The following SEPHS1 variants were observed in gnomAD, a reference collection of about 807,000 sequenced individuals.
The protein encoded by SEPHS1 is zincore component SEPHS1.
In SEPHS1, 7 loss-of-function variants were observed where a neutral mutation model predicts 39.2. The ratio of observed to expected loss-of-function variants is 0.18; its 90% CI spans 0.10 to 0.34. SEPHS1 has a LOEUF of 0.34. SEPHS1 is among the 10% of genes least tolerant of loss of function. The pLI is 1.00. For missense variants in SEPHS1, 253 were observed against 514.5 expected (o/e 0.49, Z 4.92); for synonymous variants, 190 against 195.5 (o/e 0.97, Z 0.23).
intron 2 of SEPHS1, 58 bp downstream of exon 2, chr10:13,344,700 C>T: frequency 8.0e-7 from 1 of 1,246,804 alleles, no homozygotes. Flanking sequence ...GGCGAGAAAT[C>T]CAGTTTTTGA....
In SEPHS1 at chr10:13,341,138, TAC is replaced by T. The variant is rs1351012068; in HGVS notation, c.194-2332_194-2331del. Reference sequence around the variant, plus strand: ...ATTGTATTTTTGGACAGCACTGGTCTACAGTGATTGGTTTAGAAATCACCAAT... The same window carrying T: ...ATTGTATTTTTGGACAGCACTGGTCTAGTGATTGGTTTAGAAATCACCAAT... On this transcript the variant is annotated intron_variant, in intron 2 of 8. Transcript: ENST00000327347. 1.2e-4 allele frequency among the ~76,000 whole-genome samples: 18 copies of T among 152,298 alleles called. No homozygotes were observed. In the East Asian group the frequency reaches 2.1e-3, roughly 18 times the overall value.
In SEPHS1 at chr10:13,336,273, G is replaced by A. The variant is rs62641683; in HGVS notation, c.375C>T (p.Leu125=). The change falls in exon 4 of 9, where the codon CTC becomes CTT. Residue 125 remains leucine, a synonymous_variant. Transcript: ENST00000327347. ...GVTECDNMLM[L]LGVSNKMTDR... ...CGGTCATTTTATTACTGACTCCAAGGAGCATCAGCATATTGTCACATTCCG... is the reference window on the plus strand; with the variant it reads ...CGGTCATTTTATTACTGACTCCAAGAAGCATCAGCATATTGTCACATTCCG... The A allele has an allele frequency of 7.4e-6, 12 of 1,613,712 alleles. No homozygotes were observed. The highest frequency in any genetic ancestry group is 1.0e-5 in the Non-Finnish European group (12 of 1,179,776).
intron 2 of SEPHS1, among the ~76,000 whole-genome samples, chr10:13,340,141 C>T (rs567835684): frequency 1.1e-4 from 16 of 152,202 alleles, no homozygotes; most frequent in African/African-American, 3.6e-4. Context: ...CTGCCTCACT[C>T]GGTCTCATGA....
intron 4 of SEPHS1, among the ~76,000 whole-genome samples, chr10:13,335,388 G>A (rs370567557): frequency 3.3e-5 from 5 of 152,312 alleles, no homozygotes; most frequent in Admixed American, 6.5e-5. Flanking sequence ...TGCACAGGTC[G>A]GGCACGGTGG....
Position 13,323,029 on chromosome 10 carries a change from G to T in SEPHS1, c.770C>A (p.Thr257Lys). ...GTCAGTGGCGGCGTGGGCATTGAAC[G>T]TGTGCATGAGTCCTGCAGCTGGGAG... ...LNRTAAGLMH[T>K]FNAHAATDIT... Residue 257 changes from threonine to lysine, a missense_variant, in exon 8 of 9, where the codon ACG becomes AAG. Thr to Lys is a moderately conservative substitution (Grantham distance 78, BLOSUM62 -1). Coordinates refer to ENST00000327347, the MANE Select transcript of SEPHS1 (RefSeq NM_012247.5). 2 of 1,614,072 alleles carry T rather than the reference G, an allele frequency of 1.2e-6. No individual in the cohort carries two copies. The highest frequency in any genetic ancestry group is 8.5e-7 in the Non-Finnish European group (1 of 1,180,006).
At chr10:13,322,382 G>T (rs956889052) in intron 8 of SEPHS1, among the ~76,000 whole-genome samples, 1 of 151,982 alleles carries the variant, frequency 6.6e-6, no homozygotes, top group Non-Finnish European at 1.5e-5. Flanking sequence ...CTGATCTCAC[G>T]TGATGTGCCT....
At chr10:13,321,646 A>C (rs1234764526) in intron 8 of SEPHS1, among the ~76,000 whole-genome samples, 1 of 152,250 alleles carries the variant, frequency 6.6e-6, no homozygotes, top group Non-Finnish European at 1.5e-5. Flanking sequence ...AAAAACAGGG[A>C]GACTTAAAAG....
At chr10:13,347,956 C>T (rs1305696055) in intron 1 of SEPHS1, 44 bp downstream of exon 1, 1 of 148,140 alleles carries the variant, frequency 6.8e-6, no homozygotes, top group Non-Finnish European at 1.5e-5. Context: ...CCCAGATTCC[C>T]CTTTAAGCCT....
intron 3 of SEPHS1, 30 bp from the exon 4 acceptor site, chr10:13,336,380 C>T (rs750463579): frequency 2.7e-5 from 41 of 1,530,724 alleles, no homozygotes; most frequent in East Asian, 4.5e-5. Flanking sequence ...TGAGAAAGGA[C>T]GACCGGGGAC....
chr10:13,334,179 C>G (rs1317764069), intron 4 of SEPHS1, among the ~76,000 whole-genome samples: 1 of 152,152 alleles, frequency 6.6e-6, no homozygotes, highest in Non-Finnish European at 1.5e-5. Flanking sequence ...GGGCAGAGAG[C>G]TTGAGCCCAG....
rs758192798 is a variant in SEPHS1 at position 13,338,812 on chromosome 10, T to C, written c.194-4A>G. 6.2e-6 allele frequency: 10 copies of C among 1,607,168 alleles called. No homozygotes were observed. Among genetic ancestry groups the C allele is most frequent in the Middle Eastern group, 1.7e-4 (1 of 6,050 alleles). On this transcript the variant is annotated splice_polypyrimidine_tract_variant and splice_region_variant and intron_variant, in intron 2 of 8. Transcript: ENST00000327347. ...ACACAAGTATCCATTCCAATGCCTG[T>C]GGAGATGGAAGTCATTAGCATCCAA... is the stretch of plus-strand genomic sequence containing the variant.
intron 8 of SEPHS1, 71 bp from the exon 9 acceptor site, chr10:13,319,427 C>T (rs958612250): frequency 1.9e-5 from 29 of 1,494,678 alleles, no homozygotes; most frequent in Non-Finnish European, 2.6e-5. Flanking sequence ...GCTGCTTCTG[C>T]AGAGATCCAA....
rs185579242 is a variant in SEPHS1, at chr10:13,339,475, G to A, written c.194-667C>T. ...CGCTACTCCTTGTCTTGGAGATAAG[G>A]CTGTACTCCTTTAAAAATTACTTGT... On this transcript the variant is annotated intron_variant, in intron 2 of 8. Transcript: ENST00000327347. Among the ~76,000 whole-genome samples the A allele has an allele frequency of 1.7e-4, 26 of 152,142 alleles. No individual in the cohort carries two copies. The East Asian group carries it at 5.0e-3, about 29-fold the overall frequency.
At chr10:13,334,080 A>T in intron 4 of SEPHS1, 109 bp from the exon 5 acceptor site, 1 of 972,320 alleles carries the variant, frequency 1.0e-6, no homozygotes, top group South Asian at 1.7e-5. Flanking sequence ...TCCTAAAGGA[A>T]GTCCTCAAAG....
chr10:13,318,322 T>C lies in SEPHS1; in HGVS notation c.*820A>G, dbSNP rs1322251291. 6.5e-6 allele frequency: 1 copy of C among 152,760 alleles called. No individual in the cohort carries two copies. Among genetic ancestry groups the C allele is most frequent in the East Asian group, 1.9e-4 (1 of 5,194 alleles). 9.5% of individuals were successfully genotyped at this position (152,760 alleles called of 1,614,324 possible). A position where few individuals can be genotyped will look rare whatever the true frequency, so the allele number is the denominator to read the frequency against. On this transcript the variant is annotated 3_prime_UTR_variant, in exon 9 of 9. Transcript: ENST00000327347. Reference sequence around the variant, plus strand: ...TCCACAGAACAGTCTTTACTATTGATTATATTTAAAAATTATTTGTGTAAT... The same window carrying C: ...TCCACAGAACAGTCTTTACTATTGACTATATTTAAAAATTATTTGTGTAAT...
chr10:13,340,785 G>C (rs1249278738), intron 2 of SEPHS1: 2 of 152,220 alleles, frequency 1.3e-5, no homozygotes, highest in Non-Finnish European at 2.9e-5. Context: ...CTGAAAAGCA[G>C]CTCCGTTATC....
intron 4 of SEPHS1, among the ~76,000 whole-genome samples, chr10:13,334,427 G>A (rs550116838): frequency 6.6e-5 from 10 of 152,306 alleles, no homozygotes; most frequent in African/African-American, 1.2e-4. Context: ...TGTAATCCCA[G>A]CTACTTGGGA....
chr10:13,345,726 A>C (rs1833902916), intron 1 of SEPHS1, among the ~76,000 whole-genome samples: 1 of 152,122 alleles, frequency 6.6e-6, no homozygotes, highest in South Asian at 2.1e-4. Context: ...AAAATACAAA[A>C]ATTAGCTGGG....
intron 7 of SEPHS1, among the ~76,000 whole-genome samples, chr10:13,324,301 C>T (rs771963754): frequency 2.6e-5 from 4 of 152,150 alleles, no homozygotes; most frequent in Non-Finnish European, 5.9e-5. Flanking sequence ...CATACAGATA[C>T]ACTACATTTT....
Sources: gnomAD v4.1 joint callset for allele counts (sites outside exome capture counted in the v4.1 genomes callset) on GRCh38, gnomAD v4.1.1 for gene constraint, MANE v1.5 for transcripts, NCBI Gene and HGNC (gene_info 2026-07-23, HGNC 2026-07-21) for gene names.